Variants in RAB3IP observed in about 807,000 individuals in gnomAD.
RAB3IP encodes RAB3A interacting protein.
A neutral mutation model predicts 59.1 loss-of-function variants in RAB3IP; 36 were observed. The ratio of observed to expected loss-of-function variants is 0.61; its 90% CI spans 0.47 to 0.80. The LOEUF (loss-of-function observed/expected upper bound fraction) is 0.80. Ranked by LOEUF, RAB3IP falls within the 30% of genes least tolerant of loss-of-function variation. The pLI, the probability that RAB3IP is intolerant of heterozygous loss-of-function variation, is 0.00. For missense variants in RAB3IP, 511 were observed against 536.0 expected (o/e 0.95, Z 0.46); for synonymous variants, 207 against 191.2 (o/e 1.08, Z -0.68).
chr12:69,779,833 G>A (rs1874361980), intron 3 of RAB3IP, among the ~76,000 whole-genome samples: 1 of 152,060 alleles, frequency 6.6e-6, no homozygotes, highest in Non-Finnish European at 1.5e-5. Flanking sequence ...TCTTTTTAGG[G>A]TCTGTTATTG....
chr12:69,815,252 A>T, intron 10 of RAB3IP, 112 bp from the exon 11 acceptor site: 3 of 718,992 alleles, frequency 4.2e-6, no homozygotes, highest in East Asian at 5.6e-5. Context: ...AAATGTAGGT[A>T]CATCTTTAGG....
rs892242178 is a variant in RAB3IP, at chr12:69,821,555, T to G, written c.*6109T>G. 3 of 152,208 alleles carry G rather than the reference T, an allele frequency of 2.0e-5. No individual in the cohort carries two copies. Among genetic ancestry groups the G allele is most frequent in the African/African-American group, 7.2e-5 (3 of 41,452 alleles). The allele number at this position is 152,208 out of a possible 1,614,324, so 9.4% of individuals were successfully genotyped here. ...ATCTCGGCACCAGGGTTGCATCTTGTGGGCTCCATTGTGTTTTCACACAAT... is the reference window on the plus strand; with the variant it reads ...ATCTCGGCACCAGGGTTGCATCTTGGGGGCTCCATTGTGTTTTCACACAAT... On this transcript the variant is annotated 3_prime_UTR_variant, in exon 11 of 11. Transcript: ENST00000247833.
At chr12:69,751,702 C>T (rs1009363685) in intron 1 of RAB3IP, among the ~76,000 whole-genome samples, 1 of 151,988 alleles carries the variant, frequency 6.6e-6, no homozygotes, top group African/African-American at 2.4e-5. Context: ...TGACTTTTTT[C>T]ACTTCCTTTT....
In RAB3IP at chr12:69,816,857, C is replaced by T. The variant is rs983178778; in HGVS notation, c.*1411C>T. 2 of 152,154 alleles carry T rather than the reference C, an allele frequency of 1.3e-5. No homozygotes were observed. Among genetic ancestry groups the T allele is most frequent in the African/African-American group, 2.4e-5 (1 of 41,426 alleles). 9.4% of individuals were successfully genotyped at this position (152,154 alleles called of 1,614,324 possible). A position where few individuals can be genotyped will look rare whatever the true frequency, so the allele number is the denominator to read the frequency against. On this transcript the variant is annotated 3_prime_UTR_variant, in exon 11 of 11. Coordinates refer to ENST00000247833, the MANE Select transcript of RAB3IP (RefSeq NM_022456.5). ...GGTCAATCTTACCTGTAGATGACTT[C>T]AGCCACCAGGCTGGATGGGAGCCCA...
rs752348257 is a variant in RAB3IP at position 69,756,512 on chromosome 12, A to G, written c.359A>G (p.Gln120Arg). ...TATAATGCAGAGAGAGAGTTTTTAC[A>G]GGGTGCTACTATAACAGAGGCTTGC... Reference protein sequence around the residue: ...DNYNAEREFLQGATITEACDG... With the variant: ...DNYNAEREFLRGATITEACDG... Residue 120 changes from glutamine (Q) to arginine (R), a missense_variant, in exon 3 of 11, where the codon CAG (glutamine) becomes CGG (arginine). Coordinates refer to ENST00000247833, the MANE Select transcript of RAB3IP (RefSeq NM_022456.5). The G allele has an allele frequency of 6.2e-7, 1 of 1,614,138 alleles. No individual in the cohort carries two copies. Among genetic ancestry groups the G allele is most frequent in the Non-Finnish European group, 8.5e-7 (1 of 1,179,998 alleles).
In RAB3IP at chr12:69,821,159, C is replaced by T. The variant is rs1881700701; in HGVS notation, c.*5713C>T. 2 of 152,240 alleles carry T rather than the reference C, an allele frequency of 1.3e-5. No homozygotes were observed. The highest frequency in any genetic ancestry group is 4.1e-4 in the South Asian group (2 of 4,824). 9.4% of individuals were successfully genotyped at this position (152,240 alleles called of 1,614,324 possible). A position where few individuals can be genotyped will look rare whatever the true frequency, so the allele number is the denominator to read the frequency against. ...GGACAGTCTCGAGGGATACAGGGCCCCCATCACCACATCCCCAGATTTAAC... is the reference window on the plus strand; with the variant it reads ...GGACAGTCTCGAGGGATACAGGGCCTCCATCACCACATCCCCAGATTTAAC... On this transcript the variant is annotated 3_prime_UTR_variant, in exon 11 of 11. Coordinates refer to ENST00000247833, the MANE Select transcript of RAB3IP (RefSeq NM_022456.5).
Position 69,817,444 on chromosome 12 carries a change from GAAAA to G in RAB3IP, c.*2006_*2009del, listed in dbSNP as rs377390242. The G allele has an allele frequency of 7.0e-6, 1 of 143,762 alleles. No homozygotes were observed. The highest frequency in any genetic ancestry group is 1.5e-5 in the Non-Finnish European group (1 of 65,658). 8.9% of individuals were successfully genotyped at this position (143,762 alleles called of 1,614,324 possible). On this transcript the variant is annotated 3_prime_UTR_variant, in exon 11 of 11. Coordinates refer to ENST00000247833, the MANE Select transcript of RAB3IP (RefSeq NM_022456.5). ...GAAGAACTTCTTAAACTGGAAGCAG[GAAAA>G]AAAAAAACCATAAAAGATAACCATA... is the stretch of plus-strand genomic sequence containing the variant.
At chr12:69,779,234 G>A (rs1874186602) in intron 3 of RAB3IP, 2 of 143,174 alleles carry the variant, frequency 1.4e-5, no homozygotes, top group Admixed American at 1.4e-4. Context: ...CTGACCCCTT[G>A]CGCTTCCCAG....
chr12:69,754,580 C>T (rs1225843399), intron 1 of RAB3IP, among the ~76,000 whole-genome samples: 1 of 152,132 alleles, frequency 6.6e-6, no homozygotes, highest in East Asian at 1.9e-4. Flanking sequence ...AGCAGGATGA[C>T]TGTAGTTCCT....
intron 4 of RAB3IP, among the ~76,000 whole-genome samples, chr12:69,793,892 TA>T (rs1403306227): frequency 6.6e-6 from 1 of 152,192 alleles, no homozygotes; most frequent in Non-Finnish European, 1.5e-5. Flanking sequence ...ACTAGAAGAT[TA>T]AAACTCTATT....
chr12:69,785,722 T>C (rs1186769603), intron 4 of RAB3IP, among the ~76,000 whole-genome samples: 1 of 152,330 alleles, frequency 6.6e-6, no homozygotes, highest in East Asian at 1.9e-4. Flanking sequence ...GTTATTCTTA[T>C]CCAGAAACAT....
At position 69,822,448 on chromosome 12, in the gene RAB3IP, AAT is replaced by A. The variant is rs1881847029; in HGVS notation, c.*7005_*7006del. On this transcript the variant is annotated 3_prime_UTR_variant, in exon 11 of 11. Transcript: ENST00000247833. ...ACTGTCAATAGATACACTTAGAATG[AAT>A]ATGCATGGAATCAAATTACATTCAG... 1 of 151,870 alleles carries A rather than the reference AAT, an allele frequency of 6.6e-6. No individual in the cohort carries two copies. The highest frequency in any genetic ancestry group is 1.5e-5 in the Non-Finnish European group (1 of 67,990). The allele number at this position is 151,870 out of a possible 1,614,324, so 9.4% of individuals were successfully genotyped here.
rs976981618 is a variant in RAB3IP, at chr12:69,759,985, G to A, written c.510+3322G>A. Among the ~76,000 whole-genome samples the A allele has an allele frequency of 4.0e-4, 61 of 151,466 alleles. 1 individual carries two copies. Among genetic ancestry groups the A allele is most frequent in the African/African-American group, 1.3e-3 (54 of 40,798 alleles). On this transcript the variant is annotated intron_variant, in intron 3 of 10. Transcript: ENST00000247833. ...TCACTTCCCAGACGGGGTGGCGGCC[G>A]GGCAGAGGCTGCAATCTCGTCACTT...
chr12:69,746,995 A>G (rs1868415307), intron 1 of RAB3IP, among the ~76,000 whole-genome samples: 1 of 152,214 alleles, frequency 6.6e-6, no homozygotes, highest in Non-Finnish European at 1.5e-5. Context: ...TATTGTGATA[A>G]TACAAGTAAA....
intron 1 of RAB3IP, among the ~76,000 whole-genome samples, chr12:69,749,314 G>T (rs1032418091): frequency 1.3e-5 from 2 of 152,206 alleles, no homozygotes; most frequent in Admixed American, 6.5e-5. Context: ...AATGCCTGAT[G>T]ATCTGAGGTG....
At chr12:69,812,928 T>C in intron 9 of RAB3IP, 36 bp from the exon 10 acceptor site, 1 of 1,606,664 alleles carries the variant, frequency 6.2e-7, no homozygotes, top group Non-Finnish European at 8.5e-7. Context: ...ATATGGGACA[T>C]TTGACCATTC....
intron 4 of RAB3IP, 42 bp from the exon 5 acceptor site, chr12:69,794,395 A>T: frequency 6.6e-7 from 1 of 1,526,566 alleles, no homozygotes; most frequent in Non-Finnish European, 9.0e-7. Context: ...TTGAAAACAA[A>T]TGCTACTTTG....
At chr12:69,765,207 C>T (rs7300120) in intron 3 of RAB3IP, among the ~76,000 whole-genome samples, 151,045 of 152,346 alleles carry the variant, frequency 0.99, 74,892 homozygotes, top group Middle Eastern at 1. Context: ...TGGGCATCGT[C>T]GTCTTGTTCC....
intron 1 of RAB3IP, among the ~76,000 whole-genome samples, chr12:69,749,954 A>G (rs999717229): frequency 5.9e-5 from 9 of 152,168 alleles, no homozygotes; most frequent in South Asian, 2.1e-4. Flanking sequence ...TACTGTGTTT[A>G]TATGTGGGAA....
Sources: allele counts gnomAD v4.1 joint callset (sites outside exome capture counted in the v4.1 genomes callset), GRCh38; gene constraint gnomAD v4.1.1; transcripts MANE v1.5; gene names NCBI Gene and HGNC (gene_info 2026-07-23, HGNC 2026-07-21).